SPNS3: variants seen among roughly 807,000 people sequenced by gnomAD.
SPNS3 encodes the protein SPNS lysolipid transporter 3, sphingosine-1-phosphate (putative).
SPNS3 carries 51 observed loss-of-function variants against 54.4 expected under a neutral mutation model. The observed-to-expected ratio is 0.94, with a 90% CI of 0.75 to 1.18. SPNS3 has a LOEUF of 1.18. SPNS3 is among the 50% of genes most tolerant of loss of function. The probability of loss-of-function intolerance (pLI) is 0.00; values close to 1 mark genes in which losing one functional copy is unlikely to be tolerated. For synonymous variants in SPNS3, 309 were observed against 294.7 expected, an observed-to-expected ratio of 1.05 and a Z score of -0.50; for missense variants, 669 against 677.4, an observed-to-expected ratio of 0.99 and a Z score of 0.14.
chr17:4,469,865 A>G (rs533705977), intron 8 of SPNS3, among the ~76,000 whole-genome samples: 61 of 152,214 alleles, frequency 4.0e-4, no homozygotes, highest in South Asian at 8.3e-4. Flanking sequence ...TGACTTTTAT[A>G]TTTTTATTTG....
At chr17:4,444,578 C>T (rs1970932644) in intron 2 of SPNS3, among the ~76,000 whole-genome samples, 1 of 152,120 alleles carries the variant, frequency 6.6e-6, no homozygotes, top group Non-Finnish European at 1.5e-5. Context: ...CCCAGGCTGA[C>T]TTCCCTCTTT....
chr17:4,487,234 C>T (rs8069102), intron 11 of SPNS3, among the ~76,000 whole-genome samples: 19,639 of 149,194 alleles, frequency 0.13, 1,523 homozygotes, highest in Middle Eastern at 0.25. Flanking sequence ...ACTGCACAGG[C>T]GAAACTAGAG....
intron 5 of SPNS3, 98 bp downstream of exon 5, chr17:4,447,060 G>A (rs1283863816): frequency 1.0e-5 from 13 of 1,261,030 alleles, no homozygotes; most frequent in African/African-American, 2.5e-5. Flanking sequence ...AGCACCCGGC[G>A]CCATTAGGGG....
chr17:4,458,445 CCCTTCTTTCTTCTTTCTTTCTTT>C (rs1971376385), intron 8 of SPNS3, among the ~76,000 whole-genome samples: 4 of 95,590 alleles, frequency 4.2e-5, no homozygotes, highest in Non-Finnish European at 1.1e-4. Context: ...CTCCCTCCCT[CCCTTCTTTCTTCTTTCTTTCTTT>C]CCATTTTCTT....
intron 2 of SPNS3, among the ~76,000 whole-genome samples, chr17:4,441,440 A>AT (rs896689389): frequency 6.6e-6 from 1 of 152,168 alleles, no homozygotes; most frequent in African/African-American, 2.4e-5. Context: ...ATGGTTTCCA[A>AT]TTGCCCCTCA....
chr17:4,444,364 A>G (rs1244172182), intron 2 of SPNS3, among the ~76,000 whole-genome samples: 1 of 151,140 alleles, frequency 6.6e-6, no homozygotes, highest in Non-Finnish European at 1.5e-5. Flanking sequence ...ACAGATGCCC[A>G]CCATCACACC....
intron 2 of SPNS3, among the ~76,000 whole-genome samples, chr17:4,441,778 A>G (rs114022201): frequency 0.11 from 15,843 of 138,272 alleles, 989 homozygotes; most frequent in African/African-American, 0.19. Context: ...TGTACTTTTA[A>G]TAGAGATGGT....
chr17:4,438,601 G>A (rs1241758143), intron 1 of SPNS3, among the ~76,000 whole-genome samples: 3 of 152,262 alleles, frequency 2.0e-5, no homozygotes, highest in Non-Finnish European at 4.4e-5. Context: ...GCCCACTGCT[G>A]TGCCTCTGGA....
intron 8 of SPNS3, among the ~76,000 whole-genome samples, chr17:4,476,975 C>T (rs989335202): frequency 6.6e-6 from 1 of 152,222 alleles, no homozygotes. Context: ...TGTCCTGGGC[C>T]CGTCCTGATC....
At position 4,434,169 on chromosome 17, in the gene SPNS3, G is replaced by A. The variant is rs766571811; in HGVS notation, c.199+3G>A. 9.3e-6 allele frequency: 15 copies of A among 1,607,112 alleles called. No individual in the cohort carries two copies. The highest frequency in any genetic ancestry group is 1.7e-5 in the Admixed American group (1 of 59,418). On this transcript the variant is annotated splice_donor_region_variant and intron_variant, in intron 1 of 11. Coordinates refer to ENST00000355530, the MANE Select transcript of SPNS3 (RefSeq NM_182538.5). ...CATGAACTGGTTCATCATTGCAGGT[G>A]AGGAGGGGATGGCTACCCTGGGCAG...
chr17:4,450,354 C>CT lies in SPNS3; in HGVS notation c.923+967_923+968insT, dbSNP rs113589228. Among the ~76,000 whole-genome samples, 44 of 122,254 alleles carry CT rather than the reference C, an allele frequency of 3.6e-4. 1 individual carries two copies. Among genetic ancestry groups the CT allele is most frequent in the Non-Finnish European group, 5.4e-4 (33 of 61,002 alleles). 80.2% of individuals were successfully genotyped at this position (122,254 alleles called of 152,430 possible). Reference sequence around the variant, plus strand: ...CTCCCTCTCCCTCTCCCTCTCCCCTCCTCTCTCTCTCTCTCCCTACCCCTC... The same window carrying CT: ...CTCCCTCTCCCTCTCCCTCTCCCCTCTCTCTCTCTCTCTCTCCCTACCCCTC... On this transcript the variant is annotated intron_variant, in intron 7 of 11. Coordinates refer to ENST00000355530, the MANE Select transcript of SPNS3 (RefSeq NM_182538.5).
intron 9 of SPNS3, among the ~76,000 whole-genome samples, chr17:4,480,259 A>T (rs1972116322): frequency 6.6e-6 from 1 of 152,190 alleles, no homozygotes; most frequent in Non-Finnish European, 1.5e-5. Context: ...TCCAGCCCAG[A>T]GTCAGCCGCA....
chr17:4,466,072 A>G (rs1277639733), intron 8 of SPNS3, among the ~76,000 whole-genome samples: 1 of 152,216 alleles, frequency 6.6e-6, no homozygotes, highest in East Asian at 1.9e-4. Flanking sequence ...GGCCAAGCCT[A>G]TGGCCATGGC....
Position 4,483,178 on chromosome 17 carries a change from G to A in SPNS3, c.1180-3050G>A, listed in dbSNP as rs1403888762. ...GCGAGGCCTGGGTGGGGGTGCAGGA[G>A]GCAGGCTGCCTGGTGGCTGCTGCTC... On this transcript the variant is annotated intron_variant, in intron 9 of 11. Transcript: ENST00000355530. This position sits in a 1 kb window ranked among gnomAD's most constrained non-coding sequence, Gnocchi z 4.2. Among the ~76,000 whole-genome samples, 2 of 152,234 alleles carry A rather than the reference G, an allele frequency of 1.3e-5. No individual in the cohort carries two copies. Among genetic ancestry groups the A allele is most frequent in the East Asian group, 3.8e-4 (2 of 5,198 alleles).
Position 4,453,275 on chromosome 17 carries a change from T to C in SPNS3, c.1113+70T>C, listed in dbSNP as rs1971218537. ...AGGAACTCCTGTTTCCACAGGCTCATGCTGCGCCCGGCCTTTATGTACAAT... is the reference window on the plus strand; with the variant it reads ...AGGAACTCCTGTTTCCACAGGCTCACGCTGCGCCCGGCCTTTATGTACAAT... On this transcript the variant is annotated intron_variant, in intron 8 of 11. Coordinates refer to ENST00000355530, the MANE Select transcript of SPNS3 (RefSeq NM_182538.5). The C allele has an allele frequency of 2.8e-6, 4 of 1,438,628 alleles. No individual in the cohort carries two copies. In the East Asian group the frequency reaches 6.8e-5, roughly 25 times the overall value. The allele number at this position is 1,438,628 out of a possible 1,614,324, so 89.1% of individuals were successfully genotyped here.
rs750719034 is a variant in SPNS3 at position 4,486,629 on chromosome 17, G to A, written c.1450+46G>A. ...GGCCCGGCTCAGGGCCGGCACCCTA[G>A]GGACAGACAGCACTGGCCACCCCCT... On this transcript the variant is annotated intron_variant, in intron 11 of 11. Coordinates refer to ENST00000355530, the MANE Select transcript of SPNS3 (RefSeq NM_182538.5). The surrounding 1 kb of genome is among the most constrained non-coding windows in gnomAD (Gnocchi z 5.5). 6.4e-7 allele frequency: 1 copy of A among 1,563,818 alleles called. No individual in the cohort carries two copies. The highest frequency in any genetic ancestry group is 8.7e-7 in the Non-Finnish European group (1 of 1,153,778).
intron 1 of SPNS3, among the ~76,000 whole-genome samples, chr17:4,437,151 G>A (rs969207432): frequency 1.3e-5 from 2 of 152,140 alleles, no homozygotes; most frequent in African/African-American, 2.4e-5. Flanking sequence ...GTTCTTGCAG[G>A]AAACAGCTCT....
chr17:4,486,482 T>C lies in SPNS3; in HGVS notation c.1349T>C (p.Phe450Ser). The change falls in exon 11 of 12, where the codon TTC becomes TCC. Residue 450 changes from phenylalanine (F) to serine (S), a missense_variant. Phe to Ser is a radical substitution (Grantham distance 155). Coordinates refer to ENST00000355530, the MANE Select transcript of SPNS3 (RefSeq NM_182538.5). The surrounding 1 kb of genome is among the most constrained non-coding windows in gnomAD (Gnocchi z 5.5). Reference sequence around the variant, plus strand: ...CGCTTCCGCAGCCTGCAGCAGAGCTTCCTGTGCTGCGCCTTTGTCATCGCC... The same window carrying C: ...CGCTTCCGCAGCCTGCAGCAGAGCTCCCTGTGCTGCGCCTTTGTCATCGCC... ...LQRFRSLQQS[F>S]LCCAFVIALG... The C allele has an allele frequency of 6.2e-7, 1 of 1,613,604 alleles. No individual in the cohort carries two copies. Among genetic ancestry groups the C allele is most frequent in the Non-Finnish European group, 8.5e-7 (1 of 1,179,912 alleles).
chr17:4,440,966 A>AT (rs1009684675), intron 2 of SPNS3, among the ~76,000 whole-genome samples: 17 of 152,134 alleles, frequency 1.1e-4, no homozygotes, highest in African/African-American at 4.1e-4. Context: ...TGAAGCCAAC[A>AT]TTTTTCTTAT....
Sources: gnomAD v4.1 joint callset for allele counts (sites outside exome capture counted in the v4.1 genomes callset) on GRCh38, gnomAD v4.1.1 for gene constraint, Gnocchi (gnomAD v3.1) non-coding constraint, MANE v1.5 for transcripts, NCBI Gene and HGNC (gene_info 2026-07-23, HGNC 2026-07-21) for gene names.